Variants in LIMS4 observed in about 807,000 individuals in gnomAD.
LIMS4 encodes LIM and senescent cell antigen-like-containing domain protein 4.
At chr2:110,373,524 C>T in the LIMS4 span, among the ~76,000 whole-genome samples, 2 of 140,054 alleles carry the variant, frequency 1.4e-5, no homozygotes, top group Non-Finnish European at 3.0e-5. Flanking sequence ...ACTGTGTGCT[C>T]CAGGCATGTG....
At chr2:110,442,887 C>G (rs1409095858), downstream of LIMS4, among the ~76,000 whole-genome samples, 5 of 152,228 alleles carry the variant, frequency 3.3e-5, no homozygotes, top group African/African-American at 7.2e-5. Flanking sequence ...TTAGTAGAGA[C>G]AGGATTTCGC....
chr2:110,361,093 C>T, the LIMS4 span: 1 of 830,084 alleles, frequency 1.2e-6, no homozygotes, highest in Non-Finnish European at 2.0e-6. Context: ...GACTGGGGAC[C>T]TTGGGGTCTT....
chr2:110,418,650 C>CTTT, the LIMS4 span, among the ~76,000 whole-genome samples: 27 of 72,474 alleles, frequency 3.7e-4, no homozygotes, highest in Non-Finnish European at 6.2e-4. Flanking sequence ...CCTTTCCTTT[C>CTTT]TTTTTTTTTT....
chr2:110,366,615 C>A, the LIMS4 span, among the ~76,000 whole-genome samples: 1 of 151,952 alleles, frequency 6.6e-6, no homozygotes, highest in African/African-American at 2.4e-5. Context: ...GGGATCATTC[C>A]CCTTGAGAAG....
the LIMS4 span, chr2:110,361,068 T>C: frequency 1.1e-6 from 1 of 895,448 alleles, no homozygotes. Context: ...ACCGGTTCTT[T>C]CAACTTCCAC....
chr2:110,425,228 T>TAA, the LIMS4 span, among the ~76,000 whole-genome samples: 5 of 139,836 alleles, frequency 3.6e-5, no homozygotes, highest in Non-Finnish European at 6.0e-5. Context: ...CAGATCTCTT[T>TAA]AAAAAAAAAA....
the LIMS4 span, among the ~76,000 whole-genome samples, chr2:110,366,139 C>T: frequency 6.6e-6 from 1 of 150,396 alleles, no homozygotes; most frequent in Admixed American, 6.6e-5. Flanking sequence ...ACCATCCCTG[C>T]TTGAAACTAT....
the LIMS4 span, among the ~76,000 whole-genome samples, chr2:110,411,210 A>G: frequency 1.3e-5 from 1 of 79,324 alleles, no homozygotes; most frequent in African/African-American, 6.2e-5. Flanking sequence ...CCAGCCAAAC[A>G]TTTTTCTTTT....
the LIMS4 span, among the ~76,000 whole-genome samples, chr2:110,425,074 A>G: frequency 5.6e-5 from 8 of 142,656 alleles, 1 homozygote; most frequent in Non-Finnish European, 7.4e-5. Flanking sequence ...GGTCCCTGCC[A>G]TCTTTAAGAG....
chr2:110,365,791 AC>A, the LIMS4 span, among the ~76,000 whole-genome samples: 1 of 140,504 alleles, frequency 7.1e-6, no homozygotes. Flanking sequence ...AACTAGACTA[AC>A]AGCAGAAGAA....
the LIMS4 span, among the ~76,000 whole-genome samples, chr2:110,371,588 C>T: frequency 2.2e-5 from 3 of 134,344 alleles, no homozygotes; most frequent in Non-Finnish European, 4.5e-5. Flanking sequence ...AACATTCTAC[C>T]ATGTCTTCTC....
chr2:110,448,424 AG>A (rs1347296190), intron 8 of LIMS4, among the ~76,000 whole-genome samples: 5 of 144,978 alleles, frequency 3.4e-5, no homozygotes, highest in African/African-American at 1.3e-4. Flanking sequence ...GTTGGCTCAC[AG>A]CAACCTCTGC....
chr2:110,385,254 C>T, the LIMS4 span, among the ~76,000 whole-genome samples: 67 of 151,054 alleles, frequency 4.4e-4, no homozygotes, highest in Non-Finnish European at 6.9e-4. Flanking sequence ...AGTTCATAGT[C>T]CCCTTATGTT....
chr2:110,368,845 T>C, the LIMS4 span, among the ~76,000 whole-genome samples: 1 of 146,156 alleles, frequency 6.8e-6, no homozygotes, highest in East Asian at 2.0e-4. Flanking sequence ...GATTCCTAAA[T>C]TGTTTCTTTG....
At chr2:110,411,145 A>T in the LIMS4 span, among the ~76,000 whole-genome samples, 1 of 49,350 alleles carries the variant, frequency 2.0e-5, no homozygotes, top group African/African-American at 9.1e-5. Flanking sequence ...ACCTCAAGTG[A>T]TCCGCCTACC....
At chr2:110,387,068 G>C in the LIMS4 span, 2 of 595,490 alleles carry the variant, frequency 3.4e-6, no homozygotes, top group African/African-American at 2.2e-5. Context: ...GCATGTAGAG[G>C]CCGATGGAGA....
the LIMS4 span, among the ~76,000 whole-genome samples, chr2:110,411,120 G>C: frequency 1.0e-4 from 4 of 39,130 alleles, no homozygotes; most frequent in African/African-American, 4.4e-4. Flanking sequence ...TGGCCAGGCT[G>C]GTCTCAAACT....
chr2:110,426,648 TTTCA>T, the LIMS4 span, among the ~76,000 whole-genome samples: 1 of 62,900 alleles, frequency 1.6e-5, no homozygotes, highest in Non-Finnish European at 2.6e-5. Flanking sequence ...AATGCCATTA[TTTCA>T]TTCATTCTTA....
At chr2:110,395,890 G>T in the LIMS4 span, among the ~76,000 whole-genome samples, 3 of 135,562 alleles carry the variant, frequency 2.2e-5, no homozygotes, top group Non-Finnish European at 4.6e-5. Context: ...CCTGACATCG[G>T]AGCTGCCATG....
Sources: gnomAD v4.1 joint callset for allele counts (sites outside exome capture counted in the v4.1 genomes callset) on GRCh38, gnomAD v4.1.1 for gene constraint, MANE v1.5 for transcripts, NCBI Gene and HGNC (gene_info 2026-07-23, HGNC 2026-07-21) for gene names.